CHGA: variants seen among roughly 807,000 people sequenced by gnomAD.
CHGA encodes the protein chromogranin A, also known as chromogranin-A.
A neutral mutation model predicts 54.4 loss-of-function variants in CHGA; 41 were observed. The ratio of observed to expected loss-of-function variants is 0.75; its 90% confidence interval spans 0.59 to 0.98. The LOEUF is 0.98. Ranked by LOEUF, CHGA falls within the 50% of genes least tolerant of loss-of-function variation. The probability of loss-of-function intolerance (pLI) is 0.00; values close to 1 mark genes in which losing one functional copy is unlikely to be tolerated. For missense variants in CHGA, 576 were observed against 582.3 expected (o/e 0.99, Z 0.11); for synonymous variants, 249 against 232.8 (o/e 1.07, Z -0.63).
intron 1 of CHGA, 102 bp downstream of exon 1, chr14:92,923,507 T>A (rs1886827148): frequency 9.3e-7 from 1 of 1,077,286 alleles, no homozygotes; most frequent in Non-Finnish European, 1.2e-6. Flanking sequence ...ACACTTCCCT[T>A]CGGGCGCGGC....
intron 4 of CHGA, among the ~76,000 whole-genome samples, chr14:92,928,907 G>A (rs1886940057): frequency 6.6e-6 from 1 of 152,168 alleles, no homozygotes; most frequent in Non-Finnish European, 1.5e-5. Context: ...TTCTAGACAA[G>A]CACCCAACTC....
chr14:92,926,558 C>A, intron 2 of CHGA, 47 bp from the exon 3 acceptor site: 2 of 1,515,422 alleles, frequency 1.3e-6, no homozygotes, highest in Non-Finnish European at 1.8e-6. Flanking sequence ...AGGGACTGAG[C>A]CCCATGCTCA....
intron 5 of CHGA, among the ~76,000 whole-genome samples, chr14:92,930,210 T>C (rs1031369674): frequency 5.3e-5 from 8 of 152,240 alleles, no homozygotes; most frequent in Non-Finnish European, 1.0e-4. Context: ...ATAGCCAGGA[T>C]GCAGGAGGAC....
In CHGA at chr14:92,923,466, C is replaced by A; in HGVS notation, c.46+61C>A. 3.3e-6 allele frequency: 4 copies of A among 1,217,446 alleles called. No homozygotes were observed. The South Asian group carries it at 1.2e-4, about 35-fold the overall frequency. 75.4% of individuals were successfully genotyped at this position (1,217,446 alleles called of 1,614,324 possible). A position where few individuals can be genotyped will look rare whatever the true frequency, so the allele number is the denominator to read the frequency against. On this transcript the variant is annotated intron_variant, in intron 1 of 7. Transcript: ENST00000216492. The stretch of plus-strand genomic sequence containing the variant: ...CGGGCGCCCCTGCCCACCTTGAGGT[C>A]CGGGCACCGCGCGGCGCCCCGCACC...
Position 92,926,662 on chromosome 14 carries a change from C to G in CHGA, c.151C>G (p.Pro51Ala). 6.2e-7 allele frequency: 1 copy of G among 1,614,024 alleles called. No individual in the cohort carries two copies. Among genetic ancestry groups the G allele is most frequent in the Admixed American group, 1.7e-5 (1 of 60,022 alleles). The change falls in exon 3 of 8, where the codon CCT becomes GCT. Residue 51 changes from proline to alanine, a missense_variant. Physicochemically the swap from Pro to Ala is conservative, Grantham distance 27. Transcript: ENST00000216492. ...CACACTTTCCAAGCCCAGCCCCATG[C>G]CTGTCAGCCAGGAATGTTTTGAGAC... is the stretch of plus-strand genomic sequence containing the variant. ...SDTLSKPSPM[P>A]VSQECFETLR...
intron 1 of CHGA, among the ~76,000 whole-genome samples, chr14:92,923,742 C>G (rs915268744): frequency 5.9e-5 from 9 of 152,172 alleles, no homozygotes; most frequent in African/African-American, 2.2e-4. Flanking sequence ...CATGGCTGCT[C>G]GCAACCCTCC....
At position 92,931,234 on chromosome 14, in the gene CHGA, T is replaced by G; in HGVS notation, c.356-16T>G. 6.3e-7 allele frequency: 1 copy of G among 1,596,624 alleles called. No individual in the cohort carries two copies. The highest frequency in any genetic ancestry group is 8.6e-7 in the Non-Finnish European group (1 of 1,168,300). On this transcript the variant is annotated splice_polypyrimidine_tract_variant and intron_variant, in intron 5 of 7. Transcript: ENST00000216492. ...CCCAGTCCTCAGGGCCTGACTTGGC[T>G]GTGCTGTGTCTGCAGAGGCGGTGGA...
rs1368360143 is a variant in CHGA at position 92,935,199 on chromosome 14, C to T, written c.*315C>T. The T allele has an allele frequency of 8.2e-6, 3 of 363,696 alleles. No homozygotes were observed. The highest frequency in any genetic ancestry group is 1.5e-5 in the Non-Finnish European group (3 of 205,228). 22.5% of individuals were successfully genotyped at this position (363,696 alleles called of 1,614,324 possible). A position where few individuals can be genotyped will look rare whatever the true frequency, so the allele number is the denominator to read the frequency against. On this transcript the variant is annotated 3_prime_UTR_variant, in exon 8 of 8. Coordinates refer to ENST00000216492, the MANE Select transcript of CHGA (RefSeq NM_001275.4). ...TGGGCACAACTGCAATAACTTCTGA[C>T]CTTTTGGTGAAAGCTGAGAACTCCT...
intron 4 of CHGA, among the ~76,000 whole-genome samples, 190 bp downstream of exon 4, chr14:92,927,808 A>C (rs148123013): frequency 1.3e-5 from 2 of 152,224 alleles, no homozygotes; most frequent in Non-Finnish European, 2.9e-5. Flanking sequence ...CAAGGCCCAG[A>C]GAGGTTGAGT....
At chr14:92,924,558 T>C (rs1490443760) in intron 2 of CHGA, among the ~76,000 whole-genome samples, 1 of 152,166 alleles carries the variant, frequency 6.6e-6, no homozygotes, top group Non-Finnish European at 1.5e-5. Flanking sequence ...CAGGGGCTGG[T>C]GGGGGTGGCT....
upstream of CHGA, chr14:92,923,030 T>C (rs1285801132): frequency 4.4e-6 from 1 of 227,018 alleles, no homozygotes; most frequent in Non-Finnish European, 8.5e-6. Context: ...GGGGTGAGGT[T>C]AGAGGTGGGG....
intron 7 of CHGA, chr14:92,933,068 G>C: frequency 3.2e-6 from 2 of 624,814 alleles, no homozygotes; most frequent in Non-Finnish European, 5.0e-6. Flanking sequence ...GAGGAGCTCA[G>C]GTCAGCCTGT....
chr14:92,932,096 G>A lies in CHGA; in HGVS notation c.809-274G>A. ...CAACTACGGTTTAGGAGAGGCCCTG[G>A]CTCCCGCTGCGGGCCTGTCAGGGTC... is the stretch of plus-strand genomic sequence containing the variant. On this transcript the variant is annotated intron_variant, in intron 6 of 7. Coordinates refer to ENST00000216492, the MANE Select transcript of CHGA (RefSeq NM_001275.4). The surrounding 1 kb of genome is among the most constrained non-coding windows in gnomAD (Gnocchi z 5.3). The A allele has an allele frequency of 2.2e-6, 1 of 461,820 alleles. No individual in the cohort carries two copies. The highest frequency in any genetic ancestry group is 3.9e-6 in the Non-Finnish European group (1 of 259,422). The allele number at this position is 461,820 out of a possible 1,614,324, so 28.6% of individuals were successfully genotyped here.
At chr14:92,930,806 C>T (rs891211689) in intron 5 of CHGA, among the ~76,000 whole-genome samples, 3 of 152,166 alleles carry the variant, frequency 2.0e-5, no homozygotes, top group African/African-American at 7.2e-5. Context: ...AATAAAATAC[C>T]TTTTAATGAA....
intron 3 of CHGA, 117 bp from the exon 4 acceptor site, chr14:92,927,433 C>A: frequency 1.3e-6 from 1 of 770,962 alleles, no homozygotes; most frequent in Non-Finnish European, 2.2e-6. Flanking sequence ...CTTGCTGCCA[C>A]CACCCTGGTT....
chr14:92,925,019 A>G (rs1886859648), intron 2 of CHGA, among the ~76,000 whole-genome samples: 1 of 152,222 alleles, frequency 6.6e-6, no homozygotes, highest in Non-Finnish European at 1.5e-5. Flanking sequence ...ACCATCCAAG[A>G]GATTCCAACC....
At position 92,932,748 on chromosome 14, in the gene CHGA, C is replaced by G; in HGVS notation, c.1187C>G (p.Pro396Arg). ...PGPQLRRGWR[P>R]SSREDSLEAG... ...CCGCAGCTGCGACGAGGCTGGAGGC[C>G]ATCCTCCCGGGAGGACAGCCTTGAG... The change falls in exon 7 of 8, where the codon CCA (proline) becomes CGA (arginine). Residue 396 changes from proline (P) to arginine (R), a missense_variant. Pro to Arg is a moderately radical substitution (Grantham distance 103). Coordinates refer to ENST00000216492, the MANE Select transcript of CHGA (RefSeq NM_001275.4). This position sits in a 1 kb window ranked among gnomAD's most constrained non-coding sequence, Gnocchi z 5.3. 6.2e-7 allele frequency: 1 copy of G among 1,608,292 alleles called. No homozygotes were observed. The highest frequency in any genetic ancestry group is 1.7e-5 in the Admixed American group (1 of 59,678).
upstream of CHGA, among the ~76,000 whole-genome samples, chr14:92,922,865 T>G (rs1886809582): frequency 6.6e-6 from 1 of 152,286 alleles, no homozygotes; most frequent in South Asian, 2.1e-4. Flanking sequence ...GAGATCCGAG[T>G]GACTTGCCCA....
Position 92,931,601 on chromosome 14 carries a change from A to C in CHGA, c.707A>C (p.Glu236Ala). ...KREEEEEEEE[E>A]AEAGEEAVPE... Reference sequence around the variant, plus strand: ...GAAGAGGAGGAGGAGGAGGAGGAGGAGGCTGAGGCTGGAGAGGAGGCTGTC... The same window carrying C: ...GAAGAGGAGGAGGAGGAGGAGGAGGCGGCTGAGGCTGGAGAGGAGGCTGTC... Residue 236 changes from glutamate (E) to alanine (A), a missense_variant, in exon 6 of 8, where the codon GAG becomes GCG. Glu to Ala is a moderately radical substitution (Grantham distance 107, BLOSUM62 -1). Coordinates refer to ENST00000216492, the MANE Select transcript of CHGA (RefSeq NM_001275.4). 6.2e-7 allele frequency: 1 copy of C among 1,612,922 alleles called. No individual in the cohort carries two copies. Among genetic ancestry groups the C allele is most frequent in the Non-Finnish European group, 8.5e-7 (1 of 1,179,620 alleles).
Sources: allele counts gnomAD v4.1 joint callset (sites outside exome capture counted in the v4.1 genomes callset), GRCh38; gene constraint gnomAD v4.1.1; non-coding constraint Gnocchi (gnomAD v3.1); transcripts MANE v1.5; gene names NCBI Gene and HGNC (gene_info 2026-07-23, HGNC 2026-07-21).